TLN2: variants seen among roughly 807,000 people sequenced by gnomAD.
TLN2 encodes talin-2.
TLN2 carries 118 observed loss-of-function variants against 294.7 expected under a neutral mutation model. The observed-to-expected ratio is 0.40, with a 90% CI of 0.34 to 0.47. TLN2 has a LOEUF of 0.47. Among genes scored for constraint, TLN2 ranks in the 20% least tolerant of loss-of-function variants. TLN2 has a pLI of 0.84. For missense variants in TLN2, 3,083 were observed against 3,282.2 expected, an observed-to-expected ratio of 0.94 and a Z score of 1.48; for synonymous variants, 1,431 against 1,304.5, an observed-to-expected ratio of 1.10 and a Z score of -2.09.
chr15:62,802,647 T>C (rs2066010985), intron 50 of TLN2, among the ~76,000 whole-genome samples: 1 of 152,200 alleles, frequency 6.6e-6, no homozygotes, highest in Non-Finnish European at 1.5e-5. Flanking sequence ...TTGAGGAATC[T>C]CCAAACTCTT....
intron 52 of TLN2, among the ~76,000 whole-genome samples, chr15:62,816,968 AATTC>A (rs2141194283): frequency 6.6e-6 from 1 of 152,302 alleles, no homozygotes; most frequent in African/African-American, 2.4e-5. Flanking sequence ...GAACTTAAAA[AATTC>A]TTATGCCCAG....
At chr15:62,570,894 C>A (rs1415983750) in intron 1 of TLN2, among the ~76,000 whole-genome samples, 1 of 147,068 alleles carries the variant, frequency 6.8e-6, no homozygotes, top group Non-Finnish European at 1.5e-5. Flanking sequence ...AGCTTCCATG[C>A]ACAGGCATCT....
chr15:62,505,086 A>T (rs1204850703), intron 1 of TLN2, among the ~76,000 whole-genome samples: 1 of 152,030 alleles, frequency 6.6e-6, no homozygotes, highest in Non-Finnish European at 1.5e-5. Context: ...CTTCCCGAGT[A>T]GCTGGGATTA....
At chr15:62,683,240 G>A (rs1469732959) in intron 11 of TLN2, among the ~76,000 whole-genome samples, 1 of 152,212 alleles carries the variant, frequency 6.6e-6, no homozygotes, top group African/African-American at 2.4e-5. Flanking sequence ...TCCAGTTCTG[G>A]ATCTCAGATG....
At chr15:62,682,544 G>C (rs146027859) in intron 11 of TLN2, among the ~76,000 whole-genome samples, 164 of 152,234 alleles carry the variant, frequency 1.1e-3, no homozygotes, top group African/African-American at 3.8e-3. Context: ...TCTTGGATAA[G>C]TTACCTTACC....
intron 2 of TLN2, among the ~76,000 whole-genome samples, chr15:62,594,542 G>A (rs1373342175): frequency 6.6e-6 from 1 of 152,112 alleles, no homozygotes; most frequent in African/African-American, 2.4e-5. Context: ...AAGGTACCAA[G>A]AACACACAAT....
intron 3 of TLN2, among the ~76,000 whole-genome samples, chr15:62,635,196 A>G (rs2050260665): frequency 6.6e-6 from 1 of 152,210 alleles, no homozygotes; most frequent in Admixed American, 6.5e-5. Context: ...TTGTTTTGTT[A>G]TCTTCTGGGT....
chr15:62,549,130 C>T (rs2042149439), intron 1 of TLN2, among the ~76,000 whole-genome samples: 1 of 152,102 alleles, frequency 6.6e-6, no homozygotes, highest in Admixed American at 6.5e-5. Flanking sequence ...AATTGAGACC[C>T]TACGGAGTGT....
chr15:62,739,149 A>T (rs1473901389), intron 30 of TLN2, among the ~76,000 whole-genome samples, 199 bp from the exon 31 acceptor site: 1 of 152,182 alleles, frequency 6.6e-6, no homozygotes, highest in Non-Finnish European at 1.5e-5. Context: ...CAGGTGTTTG[A>T]TACATTTAAA....
chr15:62,468,778 T>TA lies in TLN2; in HGVS notation c.-238+78104dup, dbSNP rs10551431. Among the ~76,000 whole-genome samples, 600 of 149,666 alleles carry TA rather than the reference T, an allele frequency of 4.0e-3. 9 individuals are homozygous for TA. The highest frequency in any genetic ancestry group is 0.014 in the African/African-American group (563 of 40,608). On this transcript the variant is annotated intron_variant, in intron 1 of 58. Coordinates refer to ENST00000636159, the MANE Select transcript of TLN2 (RefSeq NM_015059.3). ...AATAAAAATAAAAAAAATACAAAAA[T>TA]AAAAAAAAAAATACAAAGGAGTTGT... is the stretch of plus-strand genomic sequence containing the variant.
At chr15:62,523,946 G>A (rs987607392) in intron 1 of TLN2, among the ~76,000 whole-genome samples, 1 of 152,198 alleles carries the variant, frequency 6.6e-6, no homozygotes, top group African/African-American at 2.4e-5. Flanking sequence ...CAGTCTTGGG[G>A]AGCTAACCCA....
chr15:62,660,005 A>G (rs921622053), intron 9 of TLN2, among the ~76,000 whole-genome samples: 6 of 152,118 alleles, frequency 3.9e-5, no homozygotes, highest in Admixed American at 3.9e-4. Context: ...TGCAGCCTTT[A>G]TATCTTTCCC....
chr15:62,595,575 C>A lies in TLN2; in HGVS notation c.-162+5813C>A, dbSNP rs1596290050. On this transcript the variant is annotated intron_variant, in intron 2 of 58. Coordinates refer to ENST00000636159, the MANE Select transcript of TLN2 (RefSeq NM_015059.3). Reference sequence around the variant, plus strand: ...ATTAAAAATAGAACTTCTATATGATCCCTTAATCCAACATGTCGAAGAGAT... The same window carrying A: ...ATTAAAAATAGAACTTCTATATGATACCTTAATCCAACATGTCGAAGAGAT... Among the ~76,000 whole-genome samples the A allele has an allele frequency of 5.3e-5, 8 of 152,274 alleles. 1 individual carries two copies. The highest frequency in any genetic ancestry group is 5.2e-4 in the Admixed American group (8 of 15,292).
chr15:62,655,586 C>T lies in TLN2; in HGVS notation c.518-358C>T, dbSNP rs191228751. On this transcript the variant is annotated intron_variant, in intron 7 of 58. Transcript: ENST00000636159. ...GCAGCATATTATACATTCATTGTAGCACATGTCACCGTGGGTTGGCTGGCA... is the reference window on the plus strand; with the variant it reads ...GCAGCATATTATACATTCATTGTAGTACATGTCACCGTGGGTTGGCTGGCA... 6.8e-3 allele frequency among the ~76,000 whole-genome samples: 7 copies of T among 1,024 alleles called. 3 individuals are homozygous for T. Among genetic ancestry groups the T allele is most frequent in the East Asian group, 0.33 (2 of 6 alleles). 0.7% of individuals were successfully genotyped at this position (1,024 alleles called of 152,430 possible).
At chr15:62,627,143 A>C (rs751605363) in intron 3 of TLN2, among the ~76,000 whole-genome samples, 1 of 152,172 alleles carries the variant, frequency 6.6e-6, no homozygotes, top group Non-Finnish European at 1.5e-5. Context: ...TTAAAATTTC[A>C]TCATCACTGA....
At chr15:62,567,704 G>A (rs1393133015) in intron 1 of TLN2, among the ~76,000 whole-genome samples, 4 of 152,128 alleles carry the variant, frequency 2.6e-5, no homozygotes, top group East Asian at 1.9e-4. Context: ...GCGTGATGGC[G>A]CGCGCCTGTA....
intron 44 of TLN2, among the ~76,000 whole-genome samples, chr15:62,783,122 T>C (rs2064325967): frequency 6.6e-6 from 1 of 152,252 alleles, no homozygotes; most frequent in Non-Finnish European, 1.5e-5. Context: ...GGCTACACAC[T>C]ACTCTTAACT....
At chr15:62,602,147 C>G (rs370813745) in intron 2 of TLN2, among the ~76,000 whole-genome samples, 2 of 152,182 alleles carry the variant, frequency 1.3e-5, no homozygotes, top group East Asian at 3.8e-4. Context: ...GTGGACAGAA[C>G]TAGGATGTGT....
chr15:62,770,955 T>G lies in TLN2; in HGVS notation c.5197-9T>G. 6.4e-7 allele frequency: 1 copy of G among 1,560,422 alleles called. No homozygotes were observed. Among genetic ancestry groups the G allele is most frequent in the Non-Finnish European group, 8.6e-7 (1 of 1,162,100 alleles). ...ATACATCTCTGGCTTTTTTTTTTTT[T>G]TTTGAAAGGTGACACAACTGGCAAG... On this transcript the variant is annotated splice_polypyrimidine_tract_variant and intron_variant, in intron 41 of 58. Coordinates refer to ENST00000636159, the MANE Select transcript of TLN2 (RefSeq NM_015059.3).
Sources: gnomAD v4.1 joint callset for allele counts (sites outside exome capture counted in the v4.1 genomes callset) on GRCh38, gnomAD v4.1.1 for gene constraint, MANE v1.5 for transcripts, NCBI Gene and HGNC (gene_info 2026-07-23, HGNC 2026-07-21) for gene names.